TEX11: variants seen among roughly 807,000 people sequenced by gnomAD.
The protein encoded by TEX11 is testis-expressed protein 11.
In TEX11, 7 loss-of-function variants were observed where a neutral mutation model predicts 84.4. That is an observed-to-expected ratio of 0.08 (90% CI 0.05 to 0.16). The LOEUF is 0.16. Among genes scored for constraint, TEX11 ranks in the 10% least tolerant of loss-of-function variants. The pLI is 1.00. For missense variants in TEX11, 551 were observed against 660.5 expected, an observed-to-expected ratio of 0.83 and a Z score of 1.82; for synonymous variants, 264 against 222.8, an observed-to-expected ratio of 1.18 and a Z score of -1.64.
Position 70,651,502 on chromosome X carries a change from G to A in TEX11, c.1431C>T (p.Phe477=), listed in dbSNP as rs1172516340. ...EAERHDPRNV[F]TQFYIFKIAV... ...CAATCTTGAATATATAAAATTGAGT[G>A]AAAACGTTCCTAGGGTCATGTCGTT... Residue 477 remains phenylalanine (F), a synonymous_variant, in exon 17 of 30, where the codon TTC becomes TTT. Coordinates refer to ENST00000374333, the MANE Select transcript of TEX11 (RefSeq NM_031276.3). 1 of 1,205,838 alleles carries A rather than the reference G, an allele frequency of 8.3e-7. No homozygotes were observed. The highest frequency in any genetic ancestry group is 1.8e-5 in the African/African-American group (1 of 56,995).
At chrX:70,670,261 G>T in intron 16 of TEX11, 116 bp downstream of exon 16, 1 of 799,195 alleles carries the variant, frequency 1.3e-6, no homozygotes, top group South Asian at 3.1e-5. Context: ...TGTTCTATAT[G>T]AGGGAACTCT....
chrX:70,817,238 C>CAT (rs2091292221), intron 8 of TEX11, among the ~76,000 whole-genome samples: 1 of 88,254 alleles, frequency 1.1e-5, no homozygotes, highest in Admixed American at 1.2e-4. Context: ...CATACACACA[C>CAT]ACACACATAT....
At chrX:70,567,205 G>A (rs1256230687) in intron 25 of TEX11, among the ~76,000 whole-genome samples, 4 of 110,395 alleles carry the variant, frequency 3.6e-5, no homozygotes, top group African/African-American at 1.3e-4. Context: ...GGTGTTTGTA[G>A]TATTCTCTGA....
chrX:70,731,180 A>G (rs1405793201), intron 11 of TEX11, among the ~76,000 whole-genome samples: 1 of 112,062 alleles, frequency 8.9e-6, no homozygotes, highest in Non-Finnish European at 1.9e-5. Context: ...TTATAGCACT[A>G]AATGCCCACA....
chrX:70,514,905 T>C, the TEX11 span, among the ~76,000 whole-genome samples: 1 of 110,176 alleles, frequency 9.1e-6, no homozygotes, highest in Admixed American at 9.7e-5. Context: ...TCATCACTAC[T>C]AAAAATACAA....
intron 20 of TEX11, among the ~76,000 whole-genome samples, chrX:70,614,839 CGA>C (rs772994750): frequency 9.2e-6 from 1 of 108,245 alleles, no homozygotes; most frequent in Admixed American, 9.8e-5. Flanking sequence ...AGAGAAAGAG[CGA>C]GAGAGAGAGA....
intron 17 of TEX11, among the ~76,000 whole-genome samples, chrX:70,635,740 T>C (rs992390691): frequency 3.6e-5 from 4 of 109,805 alleles, no homozygotes; most frequent in Non-Finnish European, 3.8e-5. Flanking sequence ...TCCTTGTAGA[T>C]ATAGGATCCA....
intron 13 of TEX11, among the ~76,000 whole-genome samples, chrX:70,697,381 G>A (rs770070399): frequency 1.8e-5 from 2 of 111,713 alleles, no homozygotes; most frequent in African/African-American, 3.3e-5. Flanking sequence ...GTCTGAGGTC[G>A]CATGGTCATT....
Position 70,707,187 on chromosome X carries a change from A to T in TEX11, c.1004+15431T>A, listed in dbSNP as rs192644937. On this transcript the variant is annotated intron_variant, in intron 13 of 29. Transcript: ENST00000374333. ...AAGGCCAGCTCAAACCTCACCTTCA[A>T]ATAAGACTTTCGGATGTTCCTAGTC... Among the ~76,000 whole-genome samples the T allele has an allele frequency of 3.0e-3, 330 of 110,169 alleles. 1 individual carries two copies. Among genetic ancestry groups the T allele is most frequent in the African/African-American group, 0.01 (304 of 30,372 alleles).
chrX:70,567,682 C>T (rs2088511523), intron 25 of TEX11, among the ~76,000 whole-genome samples: 1 of 111,302 alleles, frequency 9.0e-6, no homozygotes, highest in Non-Finnish European at 1.9e-5. Flanking sequence ...CATTCAGGAG[C>T]AGGTTGTTCA....
rs976464576 is a variant in TEX11, at chrX:70,837,850, T to A, written c.526-4257A>T. 5.4e-5 allele frequency among the ~76,000 whole-genome samples: 6 copies of A among 111,720 alleles called. No individual in the cohort carries two copies. In the East Asian group the frequency reaches 1.4e-3, roughly 26 times the overall value. On this transcript the variant is annotated intron_variant, in intron 7 of 29. Transcript: ENST00000374333. ...TGTATCTTGATTGTGGTGGTGGTAG[T>A]GAACATGAATCTTCACCTACACATG... is the stretch of plus-strand genomic sequence containing the variant.
At chrX:70,533,705 A>G in intron 28 of TEX11, among the ~76,000 whole-genome samples, 1 of 110,404 alleles carries the variant, frequency 9.1e-6, no homozygotes, top group Non-Finnish European at 1.9e-5. Flanking sequence ...ATAGGTTAGT[A>G]GGATCTTGTA....
intron 2 of TEX11, among the ~76,000 whole-genome samples, chrX:70,890,197 G>C (rs143165232): frequency 0.094 from 10,448 of 111,677 alleles, 637 homozygotes; most frequent in East Asian, 0.29. Flanking sequence ...ATTATATACT[G>C]ATAAAGAGGT....
chrX:70,878,465 C>G (rs1458608282), intron 3 of TEX11, among the ~76,000 whole-genome samples: 2 of 110,611 alleles, frequency 1.8e-5, no homozygotes, highest in Admixed American at 1.9e-4. Flanking sequence ...GTCACCGTGC[C>G]CAGCCAACTG....
chrX:70,772,444 C>T (rs987556243), intron 9 of TEX11, among the ~76,000 whole-genome samples: 1 of 110,570 alleles, frequency 9.0e-6, no homozygotes, highest in African/African-American at 3.3e-5. Context: ...CATGGTGACG[C>T]ACACCTGTGG....
At chrX:70,570,272 G>A (rs2088573290) in intron 25 of TEX11, among the ~76,000 whole-genome samples, 1 of 112,072 alleles carries the variant, frequency 8.9e-6, no homozygotes, top group Non-Finnish European at 1.9e-5. Flanking sequence ...GCGCAGTATT[G>A]GGGTGGGAGT....
At chrX:70,865,796 T>TAA (rs1303691931) in intron 4 of TEX11, among the ~76,000 whole-genome samples, 1 of 111,646 alleles carries the variant, frequency 9.0e-6, no homozygotes, top group African/African-American at 3.3e-5. Flanking sequence ...GACTACTGGG[T>TAA]AAATAACGAA....
chrX:70,800,051 C>T (rs917869412), intron 9 of TEX11, among the ~76,000 whole-genome samples: 2 of 108,111 alleles, frequency 1.8e-5, no homozygotes, highest in African/African-American at 6.7e-5. Context: ...TAGTACTTCT[C>T]CCCATGGGGA....
intron 2 of TEX11, among the ~76,000 whole-genome samples, chrX:70,882,103 T>C (rs1229323994): frequency 1.8e-5 from 2 of 108,196 alleles, no homozygotes; most frequent in Non-Finnish European, 1.9e-5. Flanking sequence ...AGTTGTTTAA[T>C]GGAAAGACTG....
Sources: allele counts gnomAD v4.1 joint callset (sites outside exome capture counted in the v4.1 genomes callset), GRCh38; gene constraint gnomAD v4.1.1; transcripts MANE v1.5; gene names NCBI Gene and HGNC (gene_info 2026-07-23, HGNC 2026-07-21).